XKR4: variants seen among roughly 807,000 people sequenced by gnomAD.
The protein encoded by XKR4 is XK related 4, also known as XK-related protein 4.
In XKR4, 12 loss-of-function variants were observed where a neutral mutation model predicts 53.9. That is an observed-to-expected ratio of 0.22 (90% CI 0.14 to 0.36). The LOEUF is 0.36. Ranked by LOEUF, XKR4 falls within the 10% of genes least tolerant of loss-of-function variation. XKR4 has a pLI of 1.00. For missense variants in XKR4, 799 were observed against 859.5 expected (o/e 0.93, Z 0.88); for synonymous variants, 354 against 362.4 (o/e 0.98, Z 0.26).
At chr8:55,116,494 T>C (rs1365135718) in intron 1 of XKR4, among the ~76,000 whole-genome samples, 3 of 152,200 alleles carry the variant, frequency 2.0e-5, no homozygotes, top group African/African-American at 7.2e-5. Flanking sequence ...ACCATTTGTC[T>C]TCCTACGTGA....
chr8:55,269,140 A>T (rs1250824390), intron 1 of XKR4, among the ~76,000 whole-genome samples: 4 of 152,186 alleles, frequency 2.6e-5, no homozygotes, highest in Non-Finnish European at 5.9e-5. Flanking sequence ...ATAAGAGTAA[A>T]TTATCTCTAA....
intron 2 of XKR4, chr8:55,454,248 G>C: frequency 8.1e-7 from 1 of 1,227,168 alleles, no homozygotes; most frequent in Non-Finnish European, 1.2e-6. Context: ...TCTCCATCCA[G>C]ATCAGCTACA....
chr8:55,302,313 T>A (rs1287979672), intron 1 of XKR4, among the ~76,000 whole-genome samples: 10 of 152,066 alleles, frequency 6.6e-5, no homozygotes, highest in Admixed American at 6.5e-5. Context: ...TGTAGATATG[T>A]GGCATTATTT....
chr8:55,414,569 T>A (rs1452914335), intron 2 of XKR4, among the ~76,000 whole-genome samples: 1 of 150,204 alleles, frequency 6.7e-6, no homozygotes, highest in Non-Finnish European at 1.5e-5. Flanking sequence ...AGATTATATA[T>A]AATATATATA....
At chr8:55,247,217 G>A (rs2129369106) in intron 1 of XKR4, among the ~76,000 whole-genome samples, 1 of 152,296 alleles carries the variant, frequency 6.6e-6, no homozygotes. Flanking sequence ...AGGTTCCAGT[G>A]GTAAGTGTGG....
rs1806850712 is a variant in XKR4 at position 55,524,364 on chromosome 8, G to A, written c.*137G>A. 2 of 879,946 alleles carry A rather than the reference G, an allele frequency of 2.3e-6. No individual in the cohort carries two copies. Among genetic ancestry groups the A allele is most frequent in the East Asian group, 5.3e-5 (2 of 37,430 alleles). 54.5% of individuals were successfully genotyped at this position (879,946 alleles called of 1,614,324 possible). A position where few individuals can be genotyped will look rare whatever the true frequency, so the allele number is the denominator to read the frequency against. ...GGGACCGTCATCACCATTATCATTT[G>A]ATCCTGTCGGCTGGGGGCGGCTGGT... On this transcript the variant is annotated 3_prime_UTR_variant, in exon 3 of 3. Coordinates refer to ENST00000327381, the MANE Select transcript of XKR4 (RefSeq NM_052898.2).
At chr8:55,366,429 T>C (rs759169547) in intron 2 of XKR4, among the ~76,000 whole-genome samples, 4 of 151,906 alleles carry the variant, frequency 2.6e-5, no homozygotes, top group Admixed American at 6.6e-5. Context: ...ATCATGGAGG[T>C]TGTGTCATGA....
intron 1 of XKR4, among the ~76,000 whole-genome samples, chr8:55,197,335 T>C (rs1817518360): frequency 6.6e-6 from 1 of 152,230 alleles, no homozygotes; most frequent in Non-Finnish European, 1.5e-5. Context: ...TTTAGTAGGA[T>C]GCGTCCTTAA....
intron 1 of XKR4, among the ~76,000 whole-genome samples, chr8:55,136,596 A>G (rs1563465611): frequency 6.6e-6 from 1 of 152,224 alleles, no homozygotes; most frequent in Non-Finnish European, 1.5e-5. Context: ...GCAGTCAAAC[A>G]ATAATAATTG....
chr8:55,106,586 TAA>T (rs1233467166), intron 1 of XKR4, among the ~76,000 whole-genome samples: 1 of 152,182 alleles, frequency 6.6e-6, no homozygotes, highest in Non-Finnish European at 1.5e-5. Context: ...ACAAATTCCC[TAA>T]GAGAACAGTT....
chr8:55,268,132 G>C (rs1818637119), intron 1 of XKR4, among the ~76,000 whole-genome samples: 1 of 152,140 alleles, frequency 6.6e-6, no homozygotes, highest in Non-Finnish European at 1.5e-5. Context: ...TGTCGGAACA[G>C]CACCCAAGTC....
chr8:55,451,763 T>TGCTCAGGGGGCC (rs1169778729), intron 2 of XKR4: 9 of 1,105,980 alleles, frequency 8.1e-6, no homozygotes, highest in Non-Finnish European at 1.2e-5. Context: ...CTCAGGCGGC[T>TGCTCAGGGGGCC]GCTCAGGGGG....
Position 55,405,334 on chromosome 8 carries a change from T to C in XKR4, c.1006+47457T>C, listed in dbSNP as rs543538139. ...GCAGACAGGAGAGCTGCTACCCACATTGGGATTTGCTCCCTGGAAAGCTTA... is the reference window on the plus strand; with the variant it reads ...GCAGACAGGAGAGCTGCTACCCACACTGGGATTTGCTCCCTGGAAAGCTTA... On this transcript the variant is annotated intron_variant, in intron 2 of 2. Coordinates refer to ENST00000327381, the MANE Select transcript of XKR4 (RefSeq NM_052898.2). 6.7e-4 allele frequency among the ~76,000 whole-genome samples: 102 copies of C among 152,320 alleles called. 2 individuals are homozygous for C. The South Asian group carries it at 0.01, about 15-fold the overall frequency.
At chr8:55,292,224 T>G (rs1214138327) in intron 1 of XKR4, among the ~76,000 whole-genome samples, 1 of 152,168 alleles carries the variant, frequency 6.6e-6, no homozygotes, top group East Asian at 1.9e-4. Context: ...TTCTATATTT[T>G]GGAAGAGTGT....
chr8:55,177,768 AC>A (rs144678931), intron 1 of XKR4, among the ~76,000 whole-genome samples: 1,610 of 152,272 alleles, frequency 0.011, 21 homozygotes, highest in Non-Finnish European at 0.017. Flanking sequence ...GCTATTGTGG[AC>A]TTTGAGATGG....
rs1005914752 is a variant in XKR4, at chr8:55,213,802, G to A, written c.806+110508G>A. ...TTCTGTTATAATTTTTGCAAAGGCA[G>A]TTTCAATAGAGTCAATAACAGTTTA... On this transcript the variant is annotated intron_variant, in intron 1 of 2. Coordinates refer to ENST00000327381, the MANE Select transcript of XKR4 (RefSeq NM_052898.2). Among the ~76,000 whole-genome samples the A allele has an allele frequency of 5.6e-5, 8 of 143,032 alleles. No homozygotes were observed. In the East Asian group the frequency reaches 1.7e-3, roughly 31 times the overall value. 93.8% of individuals were successfully genotyped at this position (143,032 alleles called of 152,430 possible).
chr8:55,117,693 C>T (rs1816329578), intron 1 of XKR4, among the ~76,000 whole-genome samples: 1 of 152,166 alleles, frequency 6.6e-6, no homozygotes. Context: ...AGTACCTGGG[C>T]TCACTTTCAT....
Position 55,158,646 on chromosome 8 carries a change from T to G in XKR4, c.806+55352T>G, listed in dbSNP as rs148506794. ...TATAGTTCTGTGTTATACATTTAAG[T>G]TTTTAATCCACCTTGAGGTGATTTT... On this transcript the variant is annotated intron_variant, in intron 1 of 2. Coordinates refer to ENST00000327381, the MANE Select transcript of XKR4 (RefSeq NM_052898.2). 4.6e-5 allele frequency among the ~76,000 whole-genome samples: 7 copies of G among 152,358 alleles called. No individual in the cohort carries two copies. In the East Asian group the frequency reaches 1.3e-3, roughly 29 times the overall value.
chr8:55,159,566 G>T (rs566160731), intron 1 of XKR4, among the ~76,000 whole-genome samples: 94 of 152,278 alleles, frequency 6.2e-4, no homozygotes, highest in African/African-American at 2.2e-3. Flanking sequence ...TATAAGAACA[G>T]TTTAAAGGGA....
Sources: gnomAD v4.1 joint callset for allele counts (sites outside exome capture counted in the v4.1 genomes callset) on GRCh38, gnomAD v4.1.1 for gene constraint, MANE v1.5 for transcripts, NCBI Gene and HGNC (gene_info 2026-07-23, HGNC 2026-07-21) for gene names.